The following MCC variants were observed in gnomAD, a reference collection of about 807,000 sequenced individuals.
MCC encodes the protein MCC regulator of Wnt signaling pathway.
MCC carries 90 observed loss-of-function variants against 116.2 expected under a neutral mutation model. That is an observed-to-expected ratio of 0.77 (90% CI 0.65 to 0.92). The LOEUF is 0.92. Among genes scored for constraint, MCC ranks in the 40% least tolerant of loss-of-function variants. The pLI, the probability that MCC is intolerant of heterozygous loss-of-function variation, is 0.00. For synonymous variants in MCC, 578 were observed against 510.5 expected (o/e 1.13, Z -1.78); for missense variants, 1,516 against 1,312.2 (o/e 1.16, Z -2.40).
intron 1 of MCC, among the ~76,000 whole-genome samples, chr5:113,453,253 A>C (rs1771450621): frequency 6.6e-6 from 1 of 152,108 alleles, no homozygotes; most frequent in Non-Finnish European, 1.5e-5. Context: ...CTCATCTAAC[A>C]CGTCCACTTC....
intron 1 of MCC, among the ~76,000 whole-genome samples, chr5:113,463,605 T>A (rs926639700): frequency 1.3e-5 from 2 of 152,150 alleles, no homozygotes; most frequent in South Asian, 2.1e-4. Flanking sequence ...GGAAGATTAG[T>A]TTTGTGGGAA....
chr5:113,098,659 T>C (rs909994180), intron 8 of MCC, among the ~76,000 whole-genome samples: 10 of 152,182 alleles, frequency 6.6e-5, no homozygotes, highest in Non-Finnish European at 1.3e-4. Context: ...GTTAACTGAC[T>C]ACATTAAAGA....
intron 8 of MCC, among the ~76,000 whole-genome samples, chr5:113,089,040 C>G (rs973238539): frequency 6.6e-6 from 1 of 152,190 alleles, no homozygotes; most frequent in African/African-American, 2.4e-5. Flanking sequence ...GAGGCAGGGA[C>G]TGACACTTGC....
chr5:113,193,902 G>T (rs1468999483), intron 3 of MCC, among the ~76,000 whole-genome samples: 1 of 151,920 alleles, frequency 6.6e-6, no homozygotes, highest in Non-Finnish European at 1.5e-5. Context: ...AGCACAATTT[G>T]GGTAATAGTT....
chr5:113,365,787 A>G (rs1435603344), intron 2 of MCC, among the ~76,000 whole-genome samples: 1 of 152,222 alleles, frequency 6.6e-6, no homozygotes, highest in African/African-American at 2.4e-5. Context: ...ATCATGGCAG[A>G]AGGCAAAGGA....
In MCC at chr5:113,061,949, C is replaced by T. The variant is rs769955825; in HGVS notation, c.2213+2035G>A. On this transcript the variant is annotated intron_variant, in intron 14 of 18. Transcript: ENST00000408903. ...TAATTATCATAATTATGAAAGGGGTCTGGTGCTTTGGGACTTTATTCTAAA... is the reference window on the plus strand; with the variant it reads ...TAATTATCATAATTATGAAAGGGGTTTGGTGCTTTGGGACTTTATTCTAAA... Among the ~76,000 whole-genome samples, 5 of 152,176 alleles carry T rather than the reference C, an allele frequency of 3.3e-5. No homozygotes were observed. In the South Asian group the frequency reaches 8.3e-4, roughly 25 times the overall value.
rs558327664 is a variant in MCC, at chr5:113,319,952, C to T, written c.627+20567G>A. Among the ~76,000 whole-genome samples the T allele has an allele frequency of 2.0e-5, 3 of 152,314 alleles. No individual in the cohort carries two copies. In the East Asian group the frequency reaches 5.8e-4, roughly 29 times the overall value. ...AGTTATTTCTTAGCATAATTTTATCCTGGGCTTCTCCTTACTTCTATTTAA... is the reference window on the plus strand; with the variant it reads ...AGTTATTTCTTAGCATAATTTTATCTTGGGCTTCTCCTTACTTCTATTTAA... On this transcript the variant is annotated intron_variant, in intron 3 of 18. Transcript: ENST00000408903.
chr5:113,468,061 T>C (rs1163456695), intron 1 of MCC, among the ~76,000 whole-genome samples: 6 of 152,250 alleles, frequency 3.9e-5, no homozygotes, highest in African/African-American at 1.4e-4. Flanking sequence ...AAGTTGCTTA[T>C]CAGCTTGAGG....
At chr5:113,092,047 T>C (rs1393357393) in intron 8 of MCC, among the ~76,000 whole-genome samples, 3 of 152,204 alleles carry the variant, frequency 2.0e-5, no homozygotes, top group South Asian at 2.1e-4. Context: ...ATAAAATCTA[T>C]TGAATGCCAC....
chr5:113,474,731 A>C (rs1772191805), intron 1 of MCC, among the ~76,000 whole-genome samples: 3 of 152,278 alleles, frequency 2.0e-5, no homozygotes, highest in African/African-American at 7.2e-5. Context: ...GGAAACCAAA[A>C]AGGGAGAGAG....
intron 3 of MCC, among the ~76,000 whole-genome samples, chr5:113,197,695 C>T (rs1171494525): frequency 6.6e-6 from 1 of 152,156 alleles, no homozygotes; most frequent in African/African-American, 2.4e-5. Flanking sequence ...GCACTTTATT[C>T]CATTCAAACC....
chr5:113,332,151 G>C (rs940585309), intron 3 of MCC, among the ~76,000 whole-genome samples: 1 of 151,438 alleles, frequency 6.6e-6, no homozygotes, highest in African/African-American at 2.4e-5. Context: ...TACCCCAAAT[G>C]TAGCCACTTG....
chr5:113,283,409 A>G (rs1690027966), intron 3 of MCC, among the ~76,000 whole-genome samples: 1 of 152,244 alleles, frequency 6.6e-6, no homozygotes, highest in African/African-American at 2.4e-5. Flanking sequence ...TGGCCAATAA[A>G]CACGTGAAGA....
chr5:113,103,962 C>T (rs113712130), intron 7 of MCC, among the ~76,000 whole-genome samples: 1,628 of 152,204 alleles, frequency 0.011, 36 homozygotes, highest in African/African-American at 0.037. Context: ...TCCTTTTTAC[C>T]GCAAAGCCAG....
intron 2 of MCC, among the ~76,000 whole-genome samples, chr5:113,353,770 A>T (rs1768341028): frequency 1.3e-5 from 2 of 152,332 alleles, no homozygotes; most frequent in South Asian, 4.1e-4. Flanking sequence ...TGATATTTTT[A>T]TTTTTAGCTG....
At chr5:113,396,166 A>C (rs912525995) in intron 1 of MCC, among the ~76,000 whole-genome samples, 3 of 152,142 alleles carry the variant, frequency 2.0e-5, no homozygotes, top group African/African-American at 7.2e-5. Context: ...CATCTCCACA[A>C]AAAATACAAA....
chr5:113,284,902 A>G (rs949948862), intron 3 of MCC, among the ~76,000 whole-genome samples: 5 of 152,236 alleles, frequency 3.3e-5, no homozygotes, highest in Admixed American at 2.6e-4. Flanking sequence ...AAATGGGTCC[A>G]TGTGACAGTG....
intron 1 of MCC, among the ~76,000 whole-genome samples, chr5:113,471,762 C>CAGAGGTGGAGCCTA (rs1554086454): frequency 1.6e-5 from 2 of 121,882 alleles, no homozygotes; most frequent in African/African-American, 3.1e-5. Context: ...TGCCCTGCCC[C>CAGAGGTGGAGCCTA]CAGAGAGGCA....
At chr5:113,242,606 C>G (rs1404671675) in intron 3 of MCC, among the ~76,000 whole-genome samples, 1 of 151,742 alleles carries the variant, frequency 6.6e-6, no homozygotes, top group African/African-American at 2.4e-5. Flanking sequence ...GAAGCAGCTG[C>G]CCAAAAAACT....
Sources: allele counts gnomAD v4.1 joint callset (sites outside exome capture counted in the v4.1 genomes callset), GRCh38; gene constraint gnomAD v4.1.1; transcripts MANE v1.5; gene names NCBI Gene and HGNC (gene_info 2026-07-23, HGNC 2026-07-21).